Variants in TRAPPC9 observed in about 807,000 individuals in gnomAD.
The protein encoded by TRAPPC9 is IKK2 binding protein.
In TRAPPC9, 83 loss-of-function variants were observed where a neutral mutation model predicts 124.0. The observed-to-expected ratio is 0.67, with a 90% CI of 0.56 to 0.80. The LOEUF is 0.80. Among genes scored for constraint, TRAPPC9 ranks in the 30% least tolerant of loss-of-function variants. TRAPPC9 has a pLI of 0.00. For missense variants in TRAPPC9, 1,302 were observed against 1,508.3 expected (o/e 0.86, Z 2.27); for synonymous variants, 638 against 617.5 (o/e 1.03, Z -0.49).
chr8:139,815,681 C>T (rs569226974), intron 21 of TRAPPC9, among the ~76,000 whole-genome samples: 2 of 152,158 alleles, frequency 1.3e-5, no homozygotes, highest in East Asian at 1.9e-4. Flanking sequence ...TGAGCCACAG[C>T]GCCCGGCAAG....
At chr8:139,955,759 T>C (rs1483848703) in intron 19 of TRAPPC9, among the ~76,000 whole-genome samples, 2 of 152,212 alleles carry the variant, frequency 1.3e-5, no homozygotes, top group East Asian at 3.8e-4. Context: ...CAGTCTGAGT[T>C]TCCTGTTCGT....
At chr8:140,446,837 T>C (rs1364661552) in intron 2 of TRAPPC9, among the ~76,000 whole-genome samples, 2 of 152,120 alleles carry the variant, frequency 1.3e-5, no homozygotes, top group East Asian at 3.8e-4. Context: ...CAGCCTGGTG[T>C]GGGTTTTAGA....
chr8:140,435,332 AC>A, intron 3 of TRAPPC9, 92 bp from the exon 4 acceptor site: 2 of 1,468,786 alleles, frequency 1.4e-6, no homozygotes, highest in Non-Finnish European at 1.9e-6. Context: ...ATTAGCTCAA[AC>A]TGCAGTAACT....
intron 2 of TRAPPC9, among the ~76,000 whole-genome samples, chr8:140,446,977 AGC>A (rs2071284323): frequency 6.6e-6 from 1 of 152,194 alleles, no homozygotes; most frequent in African/African-American, 2.4e-5. Context: ...AGCACACTCC[AGC>A]TCCAGCATTC....
At chr8:139,813,615 T>C (rs898669) in intron 21 of TRAPPC9, among the ~76,000 whole-genome samples, 67,128 of 152,116 alleles carry the variant, frequency 0.44, 15,381 homozygotes, top group East Asian at 0.78. Context: ...CCATGAGGCC[T>C]GAAGAGCTGC....
intron 19 of TRAPPC9, among the ~76,000 whole-genome samples, chr8:139,945,097 C>G (rs1387381228): frequency 6.6e-6 from 1 of 152,024 alleles, no homozygotes; most frequent in East Asian, 1.9e-4. Flanking sequence ...GTGCTCCAGC[C>G]TATGCAACAG....
At chr8:139,999,184 A>C (rs990646043) in intron 18 of TRAPPC9, among the ~76,000 whole-genome samples, 1 of 152,164 alleles carries the variant, frequency 6.6e-6, no homozygotes, top group African/African-American at 2.4e-5. Context: ...GATTGTCAGA[A>C]TACGTTTAAA....
chr8:140,413,964 T>A (rs2069805490), intron 5 of TRAPPC9, among the ~76,000 whole-genome samples: 1 of 152,004 alleles, frequency 6.6e-6, no homozygotes, highest in South Asian at 2.1e-4. Context: ...AGTGCCGCAA[T>A]AAACATACGT....
intron 19 of TRAPPC9, among the ~76,000 whole-genome samples, chr8:139,956,188 G>A (rs1834971598): frequency 6.6e-6 from 1 of 151,526 alleles, no homozygotes; most frequent in African/African-American, 2.4e-5. Flanking sequence ...TTGAGATGGA[G>A]TCTCACACTG....
At chr8:139,784,598 A>AAAT (rs1822058745) in intron 21 of TRAPPC9, among the ~76,000 whole-genome samples, 1 of 97,076 alleles carries the variant, frequency 1.0e-5, no homozygotes, top group South Asian at 3.8e-4. Flanking sequence ...ATAAATAAAT[A>AAAT]AAAGACTGAC....
chr8:139,923,781 GAGAACGACTCAGTAGA>G (rs1832649876), intron 19 of TRAPPC9, among the ~76,000 whole-genome samples: 1 of 152,230 alleles, frequency 6.6e-6, no homozygotes, highest in Non-Finnish European at 1.5e-5. Context: ...GCCTCCTGGA[GAGAACGACTCAGTAGA>G]GAGCTGACTG....
intron 15 of TRAPPC9, among the ~76,000 whole-genome samples, chr8:140,275,334 G>A (rs770880928): frequency 2.0e-5 from 3 of 152,200 alleles, no homozygotes; most frequent in Non-Finnish European, 4.4e-5. Context: ...CCCATTCATT[G>A]AAGAAATAGT....
intron 9 of TRAPPC9, among the ~76,000 whole-genome samples, chr8:140,356,591 A>G (rs1041648421): frequency 2.6e-5 from 4 of 151,726 alleles, no homozygotes; most frequent in African/African-American, 9.7e-5. Flanking sequence ...GTGTACAAAC[A>G]CACATGTGTT....
chr8:139,924,941 G>A (rs897573410), intron 19 of TRAPPC9, among the ~76,000 whole-genome samples: 57 of 152,190 alleles, frequency 3.7e-4, no homozygotes, highest in African/African-American at 1.3e-3. Context: ...GGGGGTCAGC[G>A]GTGTTCAGTG....
intron 21 of TRAPPC9, among the ~76,000 whole-genome samples, chr8:139,869,792 T>G (rs1828779840): frequency 6.6e-6 from 1 of 152,204 alleles, no homozygotes; most frequent in Non-Finnish European, 1.5e-5. Context: ...CATAGGAAGT[T>G]TTTTTAAAAA....
chr8:139,760,164 C>A (rs1199138473), intron 21 of TRAPPC9, among the ~76,000 whole-genome samples: 1 of 152,130 alleles, frequency 6.6e-6, no homozygotes, highest in Non-Finnish European at 1.5e-5. Context: ...GGGGCTGCAG[C>A]GAGGCCAGGT....
At chr8:140,365,312 C>T (rs568656814) in intron 8 of TRAPPC9, among the ~76,000 whole-genome samples, 1 of 152,252 alleles carries the variant, frequency 6.6e-6, no homozygotes, top group Admixed American at 6.5e-5. Flanking sequence ...GCGTCCTGTG[C>T]TCCCACCAGC....
intron 17 of TRAPPC9, among the ~76,000 whole-genome samples, chr8:140,101,985 T>C (rs986061047): frequency 6.6e-6 from 1 of 152,218 alleles, no homozygotes; most frequent in Non-Finnish European, 1.5e-5. Context: ...ATTTAGAATG[T>C]CTTATCCCAG....
At chr8:139,917,615 GC>G (rs1832235747) in intron 19 of TRAPPC9, among the ~76,000 whole-genome samples, 1 of 152,220 alleles carries the variant, frequency 6.6e-6, no homozygotes, top group Non-Finnish European at 1.5e-5. Context: ...CCTGCTGTGG[GC>G]CCACCCCGCT....
Sources: gnomAD v4.1 joint callset for allele counts (sites outside exome capture counted in the v4.1 genomes callset) on GRCh38, gnomAD v4.1.1 for gene constraint, MANE v1.5 for transcripts, NCBI Gene and HGNC (gene_info 2026-07-23, HGNC 2026-07-21) for gene names.